Variants in DHRS7B observed in about 807,000 individuals in gnomAD.
DHRS7B encodes peroxisomal reductase activating PPAR-gamma.
In DHRS7B, 24 loss-of-function variants were observed where a neutral mutation model predicts 26.4. The observed-to-expected ratio is 0.91, with a 90% CI of 0.66 to 1.28. DHRS7B has a LOEUF of 1.28. Ranked by LOEUF, DHRS7B falls within the 50% of genes most tolerant of loss-of-function variation. The pLI is 0.00. For missense variants in DHRS7B, 368 were observed against 419.4 expected (o/e 0.88, Z 1.07); for synonymous variants, 142 against 166.4 (o/e 0.85, Z 1.13).
intron 1 of DHRS7B, among the ~76,000 whole-genome samples, chr17:21,140,019 A>ATTTTTTT (rs1188887493): frequency 2.5e-4 from 15 of 60,388 alleles, no homozygotes; most frequent in South Asian, 6.4e-4. Context: ...AGACTTTCAG[A>ATTTTTTT]TTCTTTTTTT....
At chr17:21,150,169 T>C (rs530510193) in intron 1 of DHRS7B, among the ~76,000 whole-genome samples, 1 of 147,696 alleles carries the variant, frequency 6.8e-6, no homozygotes, top group African/African-American at 2.5e-5. Flanking sequence ...AAAAAGTCCT[T>C]GGAAAAGGGG....
intron 1 of DHRS7B, among the ~76,000 whole-genome samples, chr17:21,167,458 G>T (rs1031437983): frequency 6.6e-6 from 1 of 152,194 alleles, no homozygotes; most frequent in East Asian, 1.9e-4. Context: ...ACGCCAGTTC[G>T]TGAGTCTCAT....
intron 1 of DHRS7B, among the ~76,000 whole-genome samples, chr17:21,129,719 A>AAAAAG: frequency 6.7e-6 from 1 of 149,766 alleles, no homozygotes; most frequent in African/African-American, 2.5e-5. Flanking sequence ...AAAAAAAAAA[A>AAAAAG]AAAAAGAAAA....
chr17:21,188,707 G>A lies in DHRS7B; in HGVS notation c.620-4G>A, dbSNP rs933925814. ...GTCACCTGCCTCTCCGTCCACATGT[G>A]TAGATGCAGCCTCCAAGCACGCAAC... On this transcript the variant is annotated splice_region_variant and splice_polypyrimidine_tract_variant and intron_variant, in intron 5 of 6. Coordinates refer to ENST00000395511, the MANE Select transcript of DHRS7B (RefSeq NM_015510.5). 2 of 1,587,336 alleles carry A rather than the reference G, an allele frequency of 1.3e-6. No homozygotes were observed. The highest frequency in any genetic ancestry group is 1.7e-4 in the Middle Eastern group (1 of 5,804).
At chr17:21,151,278 AG>A (rs1973764704) in intron 1 of DHRS7B, among the ~76,000 whole-genome samples, 2 of 152,210 alleles carry the variant, frequency 1.3e-5, no homozygotes, top group Admixed American at 6.5e-5. Context: ...AGGCCTAGGC[AG>A]GTGGATCATG....
chr17:21,131,888 C>T (rs1973237442), intron 1 of DHRS7B, among the ~76,000 whole-genome samples: 1 of 152,130 alleles, frequency 6.6e-6, no homozygotes, highest in Admixed American at 6.5e-5. Context: ...AAGAAACTAC[C>T]ATTGCAGAAT....
chr17:21,153,580 CTGTGTAATTTATA>C (rs774765101), intron 1 of DHRS7B, among the ~76,000 whole-genome samples: 120 of 152,212 alleles, frequency 7.9e-4, no homozygotes, highest in Non-Finnish European at 6.2e-4. Context: ...GTCCTGTAGA[CTGTGTAATTTATA>C]AAAAAACAGA....
At chr17:21,178,841 T>G (rs1295823578) in intron 3 of DHRS7B, among the ~76,000 whole-genome samples, 1 of 152,068 alleles carries the variant, frequency 6.6e-6, no homozygotes, top group African/African-American at 2.4e-5. Context: ...GTATTTTTTG[T>G]AGAGACGTGG....
At chr17:21,186,468 T>C (rs911941942) in intron 5 of DHRS7B, among the ~76,000 whole-genome samples, 1 of 152,154 alleles carries the variant, frequency 6.6e-6, no homozygotes, top group African/African-American at 2.4e-5. Flanking sequence ...GGAGCAGTCC[T>C]CTCCATCCAC....
At chr17:21,149,982 G>T (rs1973727171) in intron 1 of DHRS7B, among the ~76,000 whole-genome samples, 2 of 151,992 alleles carry the variant, frequency 1.3e-5, no homozygotes, top group East Asian at 3.9e-4. Flanking sequence ...TCTTTAGCCA[G>T]GCATGGTGGC....
chr17:21,132,348 A>AAATATATAT (rs1491147235), intron 1 of DHRS7B, among the ~76,000 whole-genome samples: 5 of 125,022 alleles, frequency 4.0e-5, no homozygotes, highest in African/African-American at 1.5e-4. Context: ...AAAAAAAAAA[A>AAATATATAT]ATATATATAT....
intron 1 of DHRS7B, among the ~76,000 whole-genome samples, chr17:21,143,760 T>G (rs9899650): frequency 0.37 from 56,586 of 152,058 alleles, 10,558 homozygotes; most frequent in Middle Eastern, 0.43. Context: ...ACAAAAGAGT[T>G]GTAGTTATTG....
intron 1 of DHRS7B, among the ~76,000 whole-genome samples, chr17:21,162,754 G>C (rs1336108574): frequency 6.6e-6 from 1 of 152,204 alleles, no homozygotes; most frequent in East Asian, 1.9e-4. Context: ...TATCAAAGAG[G>C]ACAGCAGGCA....
In DHRS7B at chr17:21,178,308, T is replaced by C; in HGVS notation, c.275T>C (p.Leu92Pro). 1 of 1,614,110 alleles carries C rather than the reference T, an allele frequency of 6.2e-7. No homozygotes were observed. Residue 92 changes from leucine to proline, a missense_variant, in exon 3 of 7, where the codon CTC becomes CCC. By Grantham distance (98) the Leu-to-Pro change is moderately conservative. Transcript: ENST00000395511. ...CGGAATGGTGGGGCCCTAGAAGAGC[T>C]CATCAGAGAACTCACCGCTTCTCAT... ...CGRNGGALEE[L>P]IRELTASHAT...
intron 6 of DHRS7B, 53 bp from the exon 7 acceptor site, chr17:21,190,895 A>G: frequency 6.3e-7 from 1 of 1,597,858 alleles, no homozygotes; most frequent in South Asian, 1.1e-5. Flanking sequence ...CCACTCCTCA[A>G]GAGGGACCTC....
At chr17:21,151,037 A>G (rs1354392045) in intron 1 of DHRS7B, among the ~76,000 whole-genome samples, 1 of 152,246 alleles carries the variant, frequency 6.6e-6, no homozygotes, top group African/African-American at 2.4e-5. Flanking sequence ...CACCACATCT[A>G]GATACATCGT....
chr17:21,151,306 C>T lies in DHRS7B; in HGVS notation c.21-20712C>T, dbSNP rs959750087. On this transcript the variant is annotated intron_variant, in intron 1 of 6. Coordinates refer to ENST00000395511, the MANE Select transcript of DHRS7B (RefSeq NM_015510.5). Reference sequence around the variant, plus strand: ...TGGATCATGAGGTTGGAGTTCAAGACCAGCCTGGCCAAGATGGTGAAACCC... The same window carrying T: ...TGGATCATGAGGTTGGAGTTCAAGATCAGCCTGGCCAAGATGGTGAAACCC... 3.3e-5 allele frequency among the ~76,000 whole-genome samples: 5 copies of T among 152,028 alleles called. No homozygotes were observed. The South Asian group carries it at 8.3e-4, about 25-fold the overall frequency.
chr17:21,166,041 G>A (rs138702968), intron 1 of DHRS7B: 653 of 481,318 alleles, frequency 1.4e-3, no homozygotes, highest in African/African-American at 9.2e-3. Flanking sequence ...CAGACTTGGC[G>A]CGGGCTCTGC....
At chr17:21,133,775 C>T (rs373765782) in intron 1 of DHRS7B, among the ~76,000 whole-genome samples, 3 of 152,234 alleles carry the variant, frequency 2.0e-5, no homozygotes, top group Admixed American at 1.3e-4. Flanking sequence ...TGTGAAGTCT[C>T]ATGTCCTGTG....
Sources: gnomAD v4.1 joint callset for allele counts (sites outside exome capture counted in the v4.1 genomes callset) on GRCh38, gnomAD v4.1.1 for gene constraint, MANE v1.5 for transcripts, NCBI Gene and HGNC (gene_info 2026-07-23, HGNC 2026-07-21) for gene names.